The following FAAH2 variants were observed in gnomAD, a reference collection of about 807,000 sequenced individuals.
The protein encoded by FAAH2 is fatty-acid amide hydrolase 2.
A neutral mutation model predicts 36.9 loss-of-function variants in FAAH2; 60 were observed. The ratio of observed to expected loss-of-function variants is 1.63; its 90% confidence interval spans 1.32 to 2.02. The LOEUF (loss-of-function observed/expected upper bound fraction) is 2.02, where lower values mean the gene tolerates loss of function less well. FAAH2 is among the 30% of genes most tolerant of loss of function. FAAH2 has a pLI of 0.00. For missense variants in FAAH2, 689 were observed against 397.5 expected (o/e 1.73, Z -6.23); for synonymous variants, 214 against 143.8 (o/e 1.49, Z -3.49).
intron 3 of FAAH2, among the ~76,000 whole-genome samples, chrX:57,330,881 T>C (rs1487902326): frequency 9.0e-6 from 1 of 110,613 alleles, no homozygotes; most frequent in Non-Finnish European, 1.9e-5. Flanking sequence ...GGTCAGGTGC[T>C]ATCCACCTGA....
intron 7 of FAAH2, among the ~76,000 whole-genome samples, chrX:57,403,462 G>C (rs200998329): frequency 8.9e-6 from 1 of 112,657 alleles, no homozygotes; most frequent in Admixed American, 9.3e-5. Flanking sequence ...ACTCAGGGGC[G>C]AGTTCTAGAG....
rs764314198 is a variant in FAAH2, at chrX:57,286,854, A to T, written c.29A>T (p.Gln10Leu). 8.4e-7 allele frequency: 1 copy of T among 1,192,077 alleles called. No homozygotes were observed. Among genetic ancestry groups the T allele is most frequent in the South Asian group, 1.9e-5 (1 of 54,018 alleles). Residue 10 changes from glutamine (Q) to leucine (L), a missense_variant, in exon 1 of 11, where the codon CAG (glutamine) becomes CTG (leucine). By Grantham distance (113) the Gln-to-Leu change is moderately radical. Coordinates refer to ENST00000374900, the MANE Select transcript of FAAH2 (RefSeq NM_174912.4). MAPSFTARIQLFLLRALGFL... is the reference protein window; with the variant it reads MAPSFTARILLFLLRALGFL... ...GCACCTTCATTTACCGCCCGCATTC[A>T]GTTGTTCCTCTTGCGGGCGCTAGGC...
intron 1 of FAAH2, 42 bp downstream of exon 1, chrX:57,287,059 T>C: frequency 9.1e-7 from 1 of 1,101,455 alleles, no homozygotes; most frequent in Non-Finnish European, 1.2e-6. Flanking sequence ...ACAGGTCTTT[T>C]AGCAGGATCC....
At chrX:57,407,967 T>C (rs912334045) in intron 7 of FAAH2, among the ~76,000 whole-genome samples, 1 of 111,953 alleles carries the variant, frequency 8.9e-6, no homozygotes, top group Admixed American at 9.5e-5. Context: ...TTTATACACA[T>C]GGATTTAGTT....
the FAAH2 span, among the ~76,000 whole-genome samples, chrX:57,277,653 T>C: frequency 1.1e-3 from 127 of 112,075 alleles, no homozygotes; most frequent in African/African-American, 4.1e-3. Context: ...GCAGATGATA[T>C]GATTGTATAT....
the FAAH2 span, among the ~76,000 whole-genome samples, chrX:57,267,515 A>T: frequency 2.3e-4 from 26 of 112,645 alleles, no homozygotes; most frequent in Non-Finnish European, 3.2e-4. Context: ...CACAGTCTCT[A>T]GCAGGGTACT....
intron 10 of FAAH2, among the ~76,000 whole-genome samples, chrX:57,488,343 T>G (rs991317490): frequency 8.9e-6 from 1 of 111,925 alleles, no homozygotes; most frequent in African/African-American, 3.2e-5. Context: ...AATCCATATA[T>G]TTAAGAATAT....
At chrX:57,444,303 C>G (rs898466873) in intron 8 of FAAH2, among the ~76,000 whole-genome samples, 4 of 112,108 alleles carry the variant, frequency 3.6e-5, no homozygotes, top group Non-Finnish European at 7.5e-5. Context: ...CAAGCCTCAG[C>G]AATGGCGGAT....
At chrX:57,264,944 A>C in the FAAH2 span, among the ~76,000 whole-genome samples, 1 of 112,023 alleles carries the variant, frequency 8.9e-6, no homozygotes, top group African/African-American at 3.2e-5. Flanking sequence ...TCGCATTGGG[A>C]CTATTCAAAC....
chrX:57,183,569 T>C, the FAAH2 span, among the ~76,000 whole-genome samples: 8 of 111,521 alleles, frequency 7.2e-5, no homozygotes, highest in Non-Finnish European at 1.3e-4. Flanking sequence ...TTAATATGGA[T>C]ATTTATCAGT....
At chrX:57,421,668 C>T (rs971066974) in intron 7 of FAAH2, among the ~76,000 whole-genome samples, 2 of 111,408 alleles carry the variant, frequency 1.8e-5, no homozygotes, top group African/African-American at 6.5e-5. Context: ...TAGATACAGT[C>T]ACATTAAGGG....
the FAAH2 span, among the ~76,000 whole-genome samples, chrX:57,239,950 A>G: frequency 9.0e-6 from 1 of 111,581 alleles, no homozygotes; most frequent in Non-Finnish European, 1.9e-5. Flanking sequence ...GATTCCTTAT[A>G]TTCCTTGGAT....
chrX:57,390,566 C>T (rs1042642338), intron 7 of FAAH2, among the ~76,000 whole-genome samples: 1 of 111,150 alleles, frequency 9.0e-6, no homozygotes, highest in African/African-American at 3.3e-5. Context: ...TTAGTTTCCA[C>T]TTATAAGTGA....
intron 3 of FAAH2, among the ~76,000 whole-genome samples, chrX:57,330,973 G>A (rs776488500): frequency 2.7e-5 from 3 of 110,601 alleles, no homozygotes; most frequent in East Asian, 5.7e-4. Flanking sequence ...TTGGGCCCTG[G>A]GAGAAGCCAG....
At chrX:57,171,299 G>A in the FAAH2 span, among the ~76,000 whole-genome samples, 4 of 111,670 alleles carry the variant, frequency 3.6e-5, no homozygotes, top group African/African-American at 1.3e-4. Context: ...TGGATCAAAT[G>A]TTAGATCGAC....
the FAAH2 span, among the ~76,000 whole-genome samples, chrX:57,193,996 T>C: frequency 1.8e-5 from 2 of 111,870 alleles, no homozygotes; most frequent in Non-Finnish European, 3.8e-5. Flanking sequence ...TTTTTTTAAA[T>C]GTGTCTTTGT....
chrX:57,190,691 C>T, the FAAH2 span, among the ~76,000 whole-genome samples: 1 of 110,458 alleles, frequency 9.1e-6, no homozygotes, highest in Non-Finnish European at 1.9e-5. Flanking sequence ...AGGTAATTCT[C>T]CACCCTGCTT....
the FAAH2 span, among the ~76,000 whole-genome samples, chrX:57,225,390 T>A: frequency 1.8e-5 from 2 of 112,198 alleles, no homozygotes. Context: ...CTTGATTTTG[T>A]TTTTGGCCCA....
At chrX:57,453,513 C>G (rs1431674) in intron 10 of FAAH2, among the ~76,000 whole-genome samples, 59,179 of 109,595 alleles carry the variant, frequency 0.54, 14,354 homozygotes, top group Non-Finnish European at 0.75. Flanking sequence ...ACCCCCACCA[C>G]CACTCATAGC....
Sources: allele counts gnomAD v4.1 joint callset (sites outside exome capture counted in the v4.1 genomes callset), GRCh38; gene constraint gnomAD v4.1.1; transcripts MANE v1.5; gene names NCBI Gene and HGNC (gene_info 2026-07-23, HGNC 2026-07-21).